Variants in ZNF514 observed in about 807,000 individuals in gnomAD.
ZNF514 encodes the protein zinc finger protein 514.
In ZNF514, 12 loss-of-function variants were observed where a neutral mutation model predicts 9.7. The observed-to-expected ratio is 1.24, with a 90% CI of 0.79 to 2.01. ZNF514 has a LOEUF of 2.01. Ranked by LOEUF, ZNF514 falls within the 30% of genes most tolerant of loss-of-function variation. ZNF514 has a pLI of 0.00. For synonymous variants in ZNF514, 158 were observed against 163.7 expected (o/e 0.97, Z 0.27); for missense variants, 467 against 465.5 (o/e 1.00, Z -0.03).
chr2:95,158,411 C>T (rs778734353), intron 1 of ZNF514, among the ~76,000 whole-genome samples: 1 of 152,190 alleles, frequency 6.6e-6, no homozygotes, highest in Non-Finnish European at 1.5e-5. Flanking sequence ...AGAGATAGGA[C>T]GTTCTAAACT....
chr2:95,152,025 G>A (rs1427556547), intron 4 of ZNF514, among the ~76,000 whole-genome samples: 1 of 152,210 alleles, frequency 6.6e-6, no homozygotes, highest in African/African-American at 2.4e-5. Flanking sequence ...GAAATGAACT[G>A]GCATAGACTG....
rs146767927 is a variant in ZNF514, at chr2:95,152,819, G to A, written c.122-50C>T. ...TTTGGTTGTGTGTGCCAGTGGCCAA[G>A]TCTTTGGATATTCATCTTCAAGGTG... is the stretch of plus-strand genomic sequence containing the variant. On this transcript the variant is annotated intron_variant, in intron 3 of 4. Coordinates refer to ENST00000295208, the MANE Select transcript of ZNF514 (RefSeq NM_032788.3). 153 of 1,484,570 alleles carry A rather than the reference G, an allele frequency of 1.0e-4. No individual in the cohort carries two copies. The East Asian group carries it at 3.1e-3, about 30-fold the overall frequency. The allele number at this position is 1,484,570 out of a possible 1,614,324, so 92.0% of individuals were successfully genotyped here. A position where few individuals can be genotyped will look rare whatever the true frequency, so the allele number is the denominator to read the frequency against.
At chr2:95,155,555 T>C (rs1673666619) in intron 2 of ZNF514, 1 of 152,252 alleles carries the variant, frequency 6.6e-6, no homozygotes, top group Non-Finnish European at 1.5e-5. Context: ...ATCCAGACTA[T>C]CGCGCCATCC....
At chr2:95,150,382 T>G in intron 4 of ZNF514, 115 bp from the exon 5 acceptor site, 1 of 1,193,952 alleles carries the variant, frequency 8.4e-7, no homozygotes, top group South Asian at 1.7e-5. Context: ...AAATAACACC[T>G]AAAAGGGACG....
At chr2:95,131,095 G>A in the ZNF514 span, among the ~76,000 whole-genome samples, 4 of 152,186 alleles carry the variant, frequency 2.6e-5, no homozygotes, top group African/African-American at 9.7e-5. Context: ...CCCGCAATAG[G>A]AGGATAGACA....
chr2:95,152,566 C>A (rs1267004599), intron 4 of ZNF514, 108 bp downstream of exon 4: 4 of 858,280 alleles, frequency 4.7e-6, no homozygotes, highest in Non-Finnish European at 7.6e-6. Flanking sequence ...AGGGCTCCTG[C>A]CAAGTGATCT....
intron 2 of ZNF514, chr2:95,154,501 G>C (rs938642182): frequency 1.3e-5 from 2 of 152,254 alleles, no homozygotes; most frequent in East Asian, 3.8e-4. Flanking sequence ...ATGTAATTTG[G>C]TGGTGAACTG....
At chr2:95,127,581 GTTTT>G in the ZNF514 span, among the ~76,000 whole-genome samples, 5 of 149,838 alleles carry the variant, frequency 3.3e-5, no homozygotes, top group Non-Finnish European at 7.5e-5. Flanking sequence ...TTTTGTTTTT[GTTTT>G]TTTGTTTTTG....
chr2:95,133,325 C>A, the ZNF514 span, among the ~76,000 whole-genome samples: 4 of 152,230 alleles, frequency 2.6e-5, no homozygotes, highest in South Asian at 8.3e-4. Flanking sequence ...CAGAGCAAGA[C>A]CCTGTCTCAA....
At chr2:95,128,732 TAGG>T in the ZNF514 span, among the ~76,000 whole-genome samples, 1 of 82,926 alleles carries the variant, frequency 1.2e-5, no homozygotes, top group South Asian at 3.6e-4. Flanking sequence ...GAGGGAGGAG[TAGG>T]AGAAGGAAGA....
Position 95,149,927 on chromosome 2 carries a change from C to A in ZNF514, c.558G>T (p.Arg186Ser). 1 of 1,614,140 alleles carries A rather than the reference C, an allele frequency of 6.2e-7. No individual in the cohort carries two copies. Among genetic ancestry groups the A allele is most frequent in the Admixed American group, 1.7e-5 (1 of 60,028 alleles). Residue 186 changes from arginine to serine, a missense_variant, in exon 5 of 5, where the codon AGG (arginine) becomes AGT (serine). Coordinates refer to ENST00000295208, the MANE Select transcript of ZNF514 (RefSeq NM_032788.3). ...EGSYKCDTEF[R>S]QTLGGNNSQR... is the part of the protein sequence containing the mutation. ...GAGAGTTGTTTCCCCCTAAAGTCTGCCTGAATTCTGTATCACATTTATAAG... is the reference window on the plus strand; with the variant it reads ...GAGAGTTGTTTCCCCCTAAAGTCTGACTGAATTCTGTATCACATTTATAAG...
At chr2:95,135,957 G>A in the ZNF514 span, among the ~76,000 whole-genome samples, 2 of 151,886 alleles carry the variant, frequency 1.3e-5, no homozygotes, top group South Asian at 2.1e-4. Flanking sequence ...CCAGCTACTC[G>A]GGAGGCTGAG....
intron 2 of ZNF514, 112 bp downstream of exon 2, chr2:95,157,239 A>G: frequency 1.7e-6 from 1 of 584,864 alleles, no homozygotes; most frequent in Non-Finnish European, 2.8e-6. Context: ...CCTCCTGCAG[A>G]GACAGCATTG....
chr2:95,140,623 A>G (rs1197598513), downstream of ZNF514, among the ~76,000 whole-genome samples: 2 of 151,836 alleles, frequency 1.3e-5, no homozygotes, highest in East Asian at 1.9e-4. Flanking sequence ...GAAAAAATAT[A>G]TATATATATA....
the ZNF514 span, among the ~76,000 whole-genome samples, chr2:95,125,685 C>A: frequency 3.9e-5 from 6 of 152,236 alleles, no homozygotes; most frequent in Admixed American, 3.9e-4. Flanking sequence ...ATTCCCCTCT[C>A]CCTTCATGTA....
the ZNF514 span, among the ~76,000 whole-genome samples, chr2:95,135,771 A>G: frequency 6.6e-6 from 1 of 151,948 alleles, no homozygotes; most frequent in Non-Finnish European, 1.5e-5. Context: ...ACACATGTAT[A>G]GAAATATTAC....
intron 2 of ZNF514, chr2:95,153,861 T>C (rs1270163525): frequency 6.6e-6 from 1 of 152,232 alleles, no homozygotes; most frequent in Admixed American, 6.5e-5. Flanking sequence ...TTATATTGTA[T>C]GGCAATCCAC....
chr2:95,139,324 G>T, the ZNF514 span, among the ~76,000 whole-genome samples: 1 of 152,332 alleles, frequency 6.6e-6, no homozygotes, highest in African/African-American at 2.4e-5. Flanking sequence ...TTCCAGAATG[G>T]TAGAGCCACC....
downstream of ZNF514, among the ~76,000 whole-genome samples, chr2:95,144,611 G>A (rs1673317364): frequency 1.3e-5 from 2 of 152,132 alleles, no homozygotes; most frequent in African/African-American, 4.8e-5. Flanking sequence ...TCATCCTTGG[G>A]CTGGTTCTGA....
Sources: gnomAD v4.1 joint callset for allele counts (sites outside exome capture counted in the v4.1 genomes callset) on GRCh38, gnomAD v4.1.1 for gene constraint, MANE v1.5 for transcripts, NCBI Gene and HGNC (gene_info 2026-07-23, HGNC 2026-07-21) for gene names.